The following TUSC3 variants were observed in gnomAD, a reference collection of about 807,000 sequenced individuals.
The protein encoded by TUSC3 is dolichyl-diphosphooligosaccharide--protein glycosyltransferase subunit TUSC3.
In TUSC3, 45 loss-of-function variants were observed where a neutral mutation model predicts 44.8. The ratio of observed to expected loss-of-function variants is 1.00; its 90% CI spans 0.79 to 1.29. TUSC3 has a LOEUF of 1.29. Among genes scored for constraint, TUSC3 ranks in the 50% most tolerant of loss-of-function variants. The pLI, the probability that TUSC3 is intolerant of heterozygous loss-of-function variation, is 0.00. For synonymous variants in TUSC3, 212 were observed against 152.9 expected (o/e 1.39, Z -2.85); for missense variants, 519 against 437.9 (o/e 1.19, Z -1.65).
At chr8:15,507,742 CTT>C (rs1261439948) in intron 2 of TUSC3, among the ~76,000 whole-genome samples, 1 of 151,488 alleles carries the variant, frequency 6.6e-6, no homozygotes, top group African/African-American at 2.4e-5. Context: ...TAATAGAAGT[CTT>C]TGTACTCTTT....
chr8:15,538,049 C>A (rs2129131502), upstream of TUSC3, among the ~76,000 whole-genome samples: 1 of 152,192 alleles, frequency 6.6e-6, no homozygotes, highest in Non-Finnish European at 1.5e-5. Flanking sequence ...GGAAACAGTT[C>A]TTGTAACTGA....
intron 1 of TUSC3, among the ~76,000 whole-genome samples, chr8:15,562,472 C>G (rs570027641): frequency 6.6e-6 from 1 of 152,210 alleles, no homozygotes; most frequent in South Asian, 2.1e-4. Flanking sequence ...AAAATTGCCA[C>G]AATTTAGTGG....
intron 6 of TUSC3, among the ~76,000 whole-genome samples, chr8:15,721,588 A>G (rs1810306340): frequency 6.6e-6 from 1 of 152,054 alleles, no homozygotes; most frequent in African/African-American, 2.4e-5. Flanking sequence ...TGAATTTTAA[A>G]ATGCTGAAGG....
At chr8:15,510,378 A>G (rs1801116960) in intron 2 of TUSC3, among the ~76,000 whole-genome samples, 1 of 152,196 alleles carries the variant, frequency 6.6e-6, no homozygotes, top group Admixed American at 6.5e-5. Context: ...AAGAGAGGGT[A>G]CAATTACCAA....
chr8:15,531,942 T>C (rs932260644), intron 2 of TUSC3, among the ~76,000 whole-genome samples: 6 of 152,332 alleles, frequency 3.9e-5, no homozygotes, highest in African/African-American at 9.6e-5. Context: ...AATTGTCTTG[T>C]CTATAAAAGA....
At chr8:15,477,387 A>C (rs1253614079) in intron 1 of TUSC3, among the ~76,000 whole-genome samples, 1 of 152,200 alleles carries the variant, frequency 6.6e-6, no homozygotes, top group South Asian at 2.1e-4. Context: ...CTTGCAATCA[A>C]CTAACTAGGA....
chr8:15,525,753 G>A (rs1422896491), intron 2 of TUSC3, among the ~76,000 whole-genome samples: 2 of 152,094 alleles, frequency 1.3e-5, no homozygotes, highest in African/African-American at 4.8e-5. Context: ...GGGGATGTTA[G>A]CAATGTAGAA....
At chr8:15,457,577 C>A (rs76590068) in intron 1 of TUSC3, among the ~76,000 whole-genome samples, 1 of 150,476 alleles carries the variant, frequency 6.6e-6, no homozygotes, top group Non-Finnish European at 1.5e-5. Flanking sequence ...ACATACGCTA[C>A]GAGAAAAATG....
intron 1 of TUSC3, among the ~76,000 whole-genome samples, chr8:15,478,583 C>G (rs973846849): frequency 6.6e-6 from 1 of 152,270 alleles, no homozygotes; most frequent in East Asian, 1.9e-4. Flanking sequence ...CAGCACCATC[C>G]ATGTCCCTGA....
chr8:15,511,215 G>C (rs1201529446), intron 2 of TUSC3, among the ~76,000 whole-genome samples: 9 of 151,958 alleles, frequency 5.9e-5, no homozygotes. Flanking sequence ...ATTCAGTATA[G>C]TGCTGGAATG....
intron 1 of TUSC3, among the ~76,000 whole-genome samples, chr8:15,441,383 G>A (rs540931390): frequency 6.6e-6 from 1 of 152,072 alleles, no homozygotes. Flanking sequence ...CTCCAGGCTG[G>A]GTGAGACAGC....
chr8:15,478,838 G>T (rs536111624), intron 1 of TUSC3, among the ~76,000 whole-genome samples: 2 of 152,124 alleles, frequency 1.3e-5, no homozygotes, highest in East Asian at 3.9e-4. Context: ...CTGTTTCTAG[G>T]TCTTTGAGGA....
At chr8:15,545,497 G>A (rs780036734) in intron 1 of TUSC3, among the ~76,000 whole-genome samples, 1 of 151,710 alleles carries the variant, frequency 6.6e-6, no homozygotes, top group Non-Finnish European at 1.5e-5. Flanking sequence ...TTGACTATGT[G>A]CTATATGCAA....
chr8:15,618,995 A>G (rs962962514), intron 1 of TUSC3, among the ~76,000 whole-genome samples: 1 of 152,234 alleles, frequency 6.6e-6, no homozygotes, highest in African/African-American at 2.4e-5. Context: ...TGGCAAATGC[A>G]GTCATGGCTC....
At chr8:15,742,343 G>A (rs533047394) in intron 7 of TUSC3, among the ~76,000 whole-genome samples, 19 of 139,534 alleles carry the variant, frequency 1.4e-4, no homozygotes, top group African/African-American at 4.2e-4. Flanking sequence ...TTGAAAAACC[G>A]TTTGTATAGA....
chr8:15,658,317 A>G (rs1328162786), intron 3 of TUSC3, among the ~76,000 whole-genome samples: 1 of 152,136 alleles, frequency 6.6e-6, no homozygotes, highest in Non-Finnish European at 1.5e-5. Flanking sequence ...GAAGCTCTGT[A>G]AAATGATTTG....
At chr8:15,540,245 T>A, upstream of TUSC3, 1 of 830,690 alleles carries the variant, frequency 1.2e-6, no homozygotes, top group Non-Finnish European at 1.7e-6. Flanking sequence ...CTTCTCCCGG[T>A]GAACCGGATG....
the TUSC3 span, among the ~76,000 whole-genome samples, chr8:15,829,610 ATTT>A: frequency 2.6e-5 from 4 of 151,930 alleles, no homozygotes; most frequent in Non-Finnish European, 5.9e-5. Flanking sequence ...CAAAATTTTA[ATTT>A]TTTATTAGTT....
the TUSC3 span, among the ~76,000 whole-genome samples, chr8:15,851,994 G>C: frequency 1.3e-5 from 2 of 151,958 alleles, no homozygotes; most frequent in East Asian, 3.9e-4. Flanking sequence ...CTTGTCTCCC[G>C]CCATGTGAGA....
Sources: gnomAD v4.1 joint callset for allele counts (sites outside exome capture counted in the v4.1 genomes callset) on GRCh38, gnomAD v4.1.1 for gene constraint, MANE v1.5 for transcripts, NCBI Gene and HGNC (gene_info 2026-07-23, HGNC 2026-07-21) for gene names.